Variants in NKAIN2 observed in about 807,000 individuals in gnomAD.
NKAIN2 encodes the protein sodium/potassium transporting ATPase interacting 2.
Under a neutral mutation model 32.6 loss-of-function variants are expected in NKAIN2, and 14 were observed. The ratio of observed to expected loss-of-function variants is 0.43; its 90% CI spans 0.28 to 0.67. The LOEUF (loss-of-function observed/expected upper bound fraction) is 0.67, where lower values mean the gene tolerates loss of function less well. NKAIN2 is among the 30% of genes least tolerant of loss of function. The pLI is 0.17. For synonymous variants in NKAIN2, 80 were observed against 87.2 expected (o/e 0.92, Z 0.46); for missense variants, 198 against 258.3 (o/e 0.77, Z 1.60).
chr6:123,942,745 A>C (rs1468013657), intron 1 of NKAIN2, among the ~76,000 whole-genome samples: 1 of 152,044 alleles, frequency 6.6e-6, no homozygotes, highest in East Asian at 1.9e-4. Context: ...TCATCGTGGA[A>C]GACTGGCTTC....
At chr6:124,712,138 GGC>G (rs1356109695) in intron 4 of NKAIN2, among the ~76,000 whole-genome samples, 4 of 151,240 alleles carry the variant, frequency 2.6e-5, no homozygotes, top group South Asian at 4.2e-4. Context: ...TCGGGGGTCG[GGC>G]GTCAGGGACC....
intron 1 of NKAIN2, among the ~76,000 whole-genome samples, chr6:124,253,752 C>T (rs1294995238): frequency 6.6e-6 from 1 of 152,014 alleles, no homozygotes; most frequent in East Asian, 1.9e-4. Context: ...CTTGATAACT[C>T]ACTCTGTGAC....
intron 3 of NKAIN2, among the ~76,000 whole-genome samples, chr6:124,578,275 T>C (rs775915584): frequency 1.3e-5 from 2 of 152,030 alleles, no homozygotes; most frequent in Non-Finnish European, 2.9e-5. Flanking sequence ...GGGTCCCTGA[T>C]TCTAGGCCTT....
intron 3 of NKAIN2, among the ~76,000 whole-genome samples, chr6:124,626,235 A>AAAT (rs528295260): frequency 3.2e-4 from 49 of 151,832 alleles, no homozygotes; most frequent in Non-Finnish European, 6.5e-4. Flanking sequence ...AACTTAGTGG[A>AAAT]AATATAGTAA....
At chr6:124,648,039 A>C (rs1784241875) in intron 3 of NKAIN2, among the ~76,000 whole-genome samples, 1 of 152,214 alleles carries the variant, frequency 6.6e-6, no homozygotes, top group African/African-American at 2.4e-5. Flanking sequence ...TATTGAACTG[A>C]CATCATCTCC....
At chr6:124,198,352 T>C (rs1292017685) in intron 1 of NKAIN2, among the ~76,000 whole-genome samples, 1 of 151,748 alleles carries the variant, frequency 6.6e-6, no homozygotes, top group Non-Finnish European at 1.5e-5. Flanking sequence ...CTCTGTTGTT[T>C]TGGCCCAGCC....
chr6:124,718,036 AACAG>A (rs1485783088), intron 4 of NKAIN2, among the ~76,000 whole-genome samples: 4 of 152,210 alleles, frequency 2.6e-5, no homozygotes, highest in African/African-American at 9.6e-5. Context: ...GTGATGTAAC[AACAG>A]AGTCATTGCA....
At chr6:124,300,587 T>A (rs557818411) in intron 2 of NKAIN2, among the ~76,000 whole-genome samples, 1 of 152,158 alleles carries the variant, frequency 6.6e-6, no homozygotes, top group Non-Finnish European at 1.5e-5. Flanking sequence ...CAGAAGAAGA[T>A]AAGAAAATGT....
At chr6:123,971,771 A>C (rs1562284701) in intron 1 of NKAIN2, among the ~76,000 whole-genome samples, 1 of 152,186 alleles carries the variant, frequency 6.6e-6, no homozygotes, top group African/African-American at 2.4e-5. Flanking sequence ...ATAACATGTG[A>C]GTTTCCATTT....
intron 1 of NKAIN2, among the ~76,000 whole-genome samples, chr6:123,991,491 A>G (rs1779409315): frequency 6.6e-6 from 1 of 152,182 alleles, no homozygotes; most frequent in South Asian, 2.1e-4. Flanking sequence ...GTTCAAAGCA[A>G]CAGCAAGAGT....
intron 1 of NKAIN2, among the ~76,000 whole-genome samples, chr6:124,119,380 A>C (rs1007055112): frequency 1.3e-5 from 2 of 152,222 alleles, no homozygotes; most frequent in Non-Finnish European, 2.9e-5. Context: ...AGATCTGTGA[A>C]CATGAGCAAG....
chr6:124,521,180 T>C (rs552624472), intron 3 of NKAIN2, among the ~76,000 whole-genome samples: 179 of 152,242 alleles, frequency 1.2e-3, no homozygotes, highest in Non-Finnish European at 2.2e-3. Flanking sequence ...GCAGGAGTAG[T>C]GAGAGAAGAC....
At chr6:124,618,871 T>C (rs940213593) in intron 3 of NKAIN2, among the ~76,000 whole-genome samples, 9 of 152,220 alleles carry the variant, frequency 5.9e-5, no homozygotes, top group African/African-American at 1.7e-4. Flanking sequence ...ATATGTTATA[T>C]TCACAAACCA....
intron 4 of NKAIN2, among the ~76,000 whole-genome samples, chr6:124,715,506 G>A (rs896550362): frequency 1.4e-4 from 21 of 152,186 alleles, no homozygotes; most frequent in South Asian, 4.1e-4. Flanking sequence ...CACTCTGTAA[G>A]CAGATCTAGG....
At chr6:124,523,803 T>C (rs1779212191) in intron 3 of NKAIN2, among the ~76,000 whole-genome samples, 1 of 152,134 alleles carries the variant, frequency 6.6e-6, no homozygotes, top group African/African-American at 2.4e-5. Context: ...CCTTCTTATC[T>C]CAATCAGAAG....
At chr6:124,448,930 C>G (rs1445881157) in intron 3 of NKAIN2, among the ~76,000 whole-genome samples, 1 of 152,066 alleles carries the variant, frequency 6.6e-6, no homozygotes, top group Non-Finnish European at 1.5e-5. Flanking sequence ...CCTGGTCAAG[C>G]CTTCTCCTTC....
At chr6:123,834,650 A>G (rs1055066294) in intron 1 of NKAIN2, among the ~76,000 whole-genome samples, 1 of 152,152 alleles carries the variant, frequency 6.6e-6, no homozygotes, top group Non-Finnish European at 1.5e-5. Context: ...CCTTGTTTTT[A>G]TCTTAATAGA....
intron 1 of NKAIN2, among the ~76,000 whole-genome samples, chr6:124,042,570 A>C (rs114402620): frequency 0.018 from 2,688 of 152,180 alleles, 78 homozygotes; most frequent in African/African-American, 0.061. Flanking sequence ...TATATTTACT[A>C]CCTGCCCATG....
intron 4 of NKAIN2, among the ~76,000 whole-genome samples, chr6:124,708,325 G>A (rs1008646670): frequency 1.3e-5 from 2 of 151,736 alleles, no homozygotes; most frequent in African/African-American, 4.9e-5. Flanking sequence ...GGTGAAGCGG[G>A]CTCTTTTTTG....
Sources: gnomAD v4.1 joint callset for allele counts (sites outside exome capture counted in the v4.1 genomes callset) on GRCh38, gnomAD v4.1.1 for gene constraint, MANE v1.5 for transcripts, NCBI Gene and HGNC (gene_info 2026-07-23, HGNC 2026-07-21) for gene names.